Variants in MACF1 observed in about 807,000 individuals in gnomAD.
MACF1 encodes the protein microtubule actin crosslinking factor 1, also known as microtubule-actin cross-linking factor 1.
MACF1 carries 193 observed loss-of-function variants against 854.8 expected under a neutral mutation model. The ratio of observed to expected loss-of-function variants is 0.23; its 90% CI spans 0.20 to 0.25. MACF1 has a LOEUF of 0.25. Among genes scored for constraint, MACF1 ranks in the 10% least tolerant of loss-of-function variants. The pLI is 1.00. For synonymous variants in MACF1, 3,185 were observed against 3,226.7 expected (o/e 0.99, Z 0.44); for missense variants, 7,722 against 8,929.1 (o/e 0.86, Z 5.45).
chr1:39,369,275 A>G (rs74066765), intron 50 of MACF1, among the ~76,000 whole-genome samples: 5,549 of 152,276 alleles, frequency 0.036, 311 homozygotes, highest in African/African-American at 0.13. Context: ...CTCACTGGAC[A>G]GCCTCACATA....
At chr1:39,408,925 G>A (rs1306082306) in intron 58 of MACF1, among the ~76,000 whole-genome samples, 4 of 151,362 alleles carry the variant, frequency 2.6e-5, no homozygotes, top group South Asian at 2.1e-4. Context: ...TCCTCTCCCC[G>A]GCCCCGCCCC....
rs778257484 is a variant in MACF1, at chr1:39,383,206, C to T, written c.13848+1054C>T. Among the ~76,000 whole-genome samples the T allele has an allele frequency of 3.3e-5, 5 of 152,292 alleles. No individual in the cohort carries two copies. In the South Asian group the frequency reaches 6.2e-4, roughly 19 times the overall value. On this transcript the variant is annotated intron_variant, in intron 56 of 100. Coordinates refer to ENST00000564288, the MANE Select transcript of MACF1 (RefSeq NM_001394062.1). ...GGCTTTTACTTCTTTTACATTCTCC[C>T]GCAGCCTGGTCCATGTCTTCTCAAC...
At chr1:39,397,660 T>C (rs1479895244) in intron 58 of MACF1, among the ~76,000 whole-genome samples, 1 of 152,202 alleles carries the variant, frequency 6.6e-6, no homozygotes, top group Non-Finnish European at 1.5e-5. Flanking sequence ...CAAAATCATC[T>C]ATCAGAAAGC....
At chr1:39,435,213 C>G (rs1188340561) in intron 69 of MACF1, among the ~76,000 whole-genome samples, 1 of 152,132 alleles carries the variant, frequency 6.6e-6, no homozygotes, top group African/African-American at 2.4e-5. Context: ...ATTATTAAAC[C>G]ATGTAGAGTA....
chr1:39,273,211 A>G (rs1198501861), intron 6 of MACF1, among the ~76,000 whole-genome samples: 2 of 141,066 alleles, frequency 1.4e-5, no homozygotes, highest in Non-Finnish European at 3.0e-5. Context: ...ATCTCGGCTC[A>G]CTGCAGCCTC....
At chr1:39,346,335 C>T (rs74875077) in intron 40 of MACF1, among the ~76,000 whole-genome samples, 4,566 of 152,024 alleles carry the variant, frequency 0.03, 209 homozygotes, top group African/African-American at 0.1. Flanking sequence ...GTACTCCAGC[C>T]TGGGTGACAG....
chr1:39,331,394 C>A lies in MACF1; in HGVS notation c.4806C>A (p.Asn1602Lys). ...NLSLEEGIAR[N>K]LINPQMYQQL... Reference sequence around the variant, plus strand: ...CTTTGGAGGAGGGCATAGCCAGAAACCTCATTAATCCCCAGATGTACCAGC... The same window carrying A: ...CTTTGGAGGAGGGCATAGCCAGAAAACTCATTAATCCCCAGATGTACCAGC... The change falls in exon 37 of 101, where the codon AAC (asparagine) becomes AAA (lysine). Residue 1602 changes from asparagine to lysine, a missense_variant. Asn to Lys is a moderately conservative substitution (Grantham distance 94). Coordinates refer to ENST00000564288, the MANE Select transcript of MACF1 (RefSeq NM_001394062.1). 1 of 1,614,014 alleles carries A rather than the reference C, an allele frequency of 6.2e-7. No individual in the cohort carries two copies. Among genetic ancestry groups the A allele is most frequent in the Non-Finnish European group, 8.5e-7 (1 of 1,180,008 alleles).
intron 31 of MACF1, among the ~76,000 whole-genome samples, chr1:39,319,995 A>G (rs1008075766): frequency 2.0e-5 from 3 of 152,176 alleles, no homozygotes; most frequent in Non-Finnish European, 4.4e-5. Flanking sequence ...TAAACTTAAC[A>G]TGGCAAAAAC....
At chr1:39,406,370 G>A (rs1252342907) in intron 58 of MACF1, among the ~76,000 whole-genome samples, 1 of 152,132 alleles carries the variant, frequency 6.6e-6, no homozygotes, top group Non-Finnish European at 1.5e-5. Context: ...AGAAAAGTCT[G>A]GATTGGTTGA....
Position 39,385,871 on chromosome 1 carries a change from A to T in MACF1, c.14286A>T (p.Glu4762Asp). ...TTGGTGAGCAGTACCTCAAGGATGA[A>T]CTGAAGAAGCGTTTGGAGACAGTTG... ...VLIGEQYLKD[E>D]LKKRLETVAL... The change falls in exon 57 of 101, where the codon GAA (glutamate) becomes GAT (aspartate). Residue 4762 changes from glutamate to aspartate, a missense_variant. Physicochemically the swap from Glu to Asp is conservative, Grantham distance 45. Coordinates refer to ENST00000564288, the MANE Select transcript of MACF1 (RefSeq NM_001394062.1). 6.2e-7 allele frequency: 1 copy of T among 1,614,116 alleles called. No homozygotes were observed. The highest frequency in any genetic ancestry group is 8.5e-7 in the Non-Finnish European group (1 of 1,180,002).
chr1:39,393,875 G>C (rs913714895), intron 58 of MACF1, among the ~76,000 whole-genome samples: 1 of 141,938 alleles, frequency 7.0e-6, no homozygotes, highest in African/African-American at 3.0e-5. Context: ...GAAAGAAAGA[G>C]AGAAAGAAAA....
chr1:39,262,861 G>A lies in MACF1; in HGVS notation c.528+4833G>A, dbSNP rs534746140. 5.3e-5 allele frequency among the ~76,000 whole-genome samples: 8 copies of A among 152,190 alleles called. No individual in the cohort carries two copies. In the South Asian group the frequency reaches 6.2e-4, roughly 12 times the overall value. ...TAACTATGGATTCCTTTTCTTTGCC[G>A]TTCTGAGGGCTTGGTATTTGCCTAT... On this transcript the variant is annotated intron_variant, in intron 6 of 100. Transcript: ENST00000564288.
At chr1:39,476,673 T>C (rs1473867326) in intron 97 of MACF1, among the ~76,000 whole-genome samples, 2 of 152,180 alleles carry the variant, frequency 1.3e-5, no homozygotes, top group Non-Finnish European at 1.5e-5. Flanking sequence ...GTTTAAAATA[T>C]TTAAACAAAA....
chr1:39,193,888 G>C (rs1164351453), intron 2 of MACF1, among the ~76,000 whole-genome samples: 1 of 152,144 alleles, frequency 6.6e-6, no homozygotes, highest in African/African-American at 2.4e-5. Context: ...TTGTTGCCCA[G>C]GCTGGGGTGC....
chr1:39,347,342 A>G (rs888343737), intron 41 of MACF1, 132 bp downstream of exon 41: 2 of 706,482 alleles, frequency 2.8e-6, no homozygotes, highest in African/African-American at 3.6e-5. Context: ...CATGTCATGC[A>G]GGCCAGTATG....
In MACF1 at chr1:39,361,454, C is replaced by A. The variant is rs759870111; in HGVS notation, c.12548C>A (p.Ala4183Glu). Residue 4183 changes from alanine (A) to glutamate (E), a missense_variant, in exon 49 of 101, where the codon GCA becomes GAA. Physicochemically the swap from Ala to Glu is moderately radical, Grantham distance 107. Around this residue, in one of 15 missense-constraint regions of MACF1, gnomAD observed 2,807 missense variants for 3,235.8 expected, o/e 0.87. Transcript: ENST00000564288. ...RFMETADSTT[A>E]AVLQGKLAEV... ...ATGGAGACAGCAGACAGTACTACAG[C>A]AGCAGTGCTGCAGGGCAAACTGGCA... 1 of 1,614,190 alleles carries A rather than the reference C, an allele frequency of 6.2e-7. No individual in the cohort carries two copies. Among genetic ancestry groups the A allele is most frequent in the African/African-American group, 1.3e-5 (1 of 75,048 alleles).
chr1:39,428,254 G>T lies in MACF1; in HGVS notation c.16770G>T (p.Gln5590His). 6.2e-7 allele frequency: 1 copy of T among 1,613,246 alleles called. No individual in the cohort carries two copies. The highest frequency in any genetic ancestry group is 1.1e-5 in the South Asian group (1 of 90,870). The change falls in exon 63 of 101, where the codon CAG becomes CAT. Residue 5590 changes from glutamine (Q) to histidine (H), a missense_variant. This residue lies in a region of MACF1 where 2,807 missense variants were observed against 3,235.8 expected (regional missense o/e 0.87). Transcript: ENST00000564288. ...CAGTGTTCGTAAAGGATTTCAAACA[G>T]GATGTCCTGCACAGGCAGCATGCTG... ...LSSVFVKDFK[Q>H]DVLHRQHADH...
chr1:39,122,255 CTTTTT>C (rs138256170), intron 2 of MACF1, among the ~76,000 whole-genome samples: 1 of 135,906 alleles, frequency 7.4e-6, no homozygotes, highest in African/African-American at 2.7e-5. Flanking sequence ...TGGTAATATT[CTTTTT>C]TTTTTTTTTT....
chr1:39,483,996 C>CA (rs1219087335), intron 99 of MACF1, among the ~76,000 whole-genome samples: 2 of 151,964 alleles, frequency 1.3e-5, no homozygotes, highest in African/African-American at 2.4e-5. Flanking sequence ...CTAAAAAATA[C>CA]AAAAAAATTA....
Sources: allele counts gnomAD v4.1 joint callset (sites outside exome capture counted in the v4.1 genomes callset), GRCh38; gene constraint gnomAD v4.1.1; regional missense constraint gnomAD v4.1.1; transcripts MANE v1.5; gene names NCBI Gene and HGNC (gene_info 2026-07-23, HGNC 2026-07-21).